VPS13B: variants seen among roughly 807,000 people sequenced by gnomAD.
VPS13B encodes the protein intermembrane lipid transfer protein VPS13B.
A neutral mutation model predicts 426.4 loss-of-function variants in VPS13B; 285 were observed. The observed-to-expected ratio is 0.67, with a 90% CI of 0.61 to 0.74. The LOEUF (loss-of-function observed/expected upper bound fraction) is 0.74. VPS13B is among the 30% of genes least tolerant of loss of function. The pLI, the probability that VPS13B is intolerant of heterozygous loss-of-function variation, is 0.00. For missense variants in VPS13B, 4,537 were observed against 4,782.6 expected, an observed-to-expected ratio of 0.95 and a Z score of 1.51; for synonymous variants, 1,676 against 1,676.4, an observed-to-expected ratio of 1.00 and a Z score of 0.01.
chr8:99,610,365 A>T (rs1827790294), intron 33 of VPS13B, among the ~76,000 whole-genome samples: 2 of 152,226 alleles, frequency 1.3e-5, no homozygotes, highest in Admixed American at 1.3e-4. Flanking sequence ...GATAGACCTG[A>T]TAAAGAAAAC....
intron 19 of VPS13B, among the ~76,000 whole-genome samples, chr8:99,364,370 C>T (rs963942221): frequency 2.0e-5 from 3 of 151,874 alleles, no homozygotes; most frequent in African/African-American, 7.3e-5. Context: ...ATTTGGTTTG[C>T]TATTATTTTG....
chr8:99,480,483 A>G (rs1819979261), intron 24 of VPS13B, among the ~76,000 whole-genome samples: 1 of 152,194 alleles, frequency 6.6e-6, no homozygotes, highest in Admixed American at 6.5e-5. Context: ...AGAAAAAGCA[A>G]AATAATCTTT....
intron 8 of VPS13B, among the ~76,000 whole-genome samples, chr8:99,130,238 A>T (rs1027806550): frequency 2.6e-5 from 4 of 152,174 alleles, no homozygotes; most frequent in African/African-American, 9.7e-5. Flanking sequence ...GTTTGGAATT[A>T]ATTTCTGGTT....
intron 33 of VPS13B, among the ~76,000 whole-genome samples, chr8:99,588,003 G>T (rs1351404054): frequency 6.6e-6 from 1 of 151,706 alleles, no homozygotes; most frequent in Admixed American, 6.5e-5. Context: ...TTTGTATAAG[G>T]TGTAAGGAAG....
chr8:99,774,542 A>G (rs916810636), intron 40 of VPS13B, among the ~76,000 whole-genome samples: 1 of 152,212 alleles, frequency 6.6e-6, no homozygotes, highest in Admixed American at 6.5e-5. Flanking sequence ...GGAAAATATC[A>G]GAGTGTCAAA....
chr8:99,345,861 T>C (rs937446772), intron 19 of VPS13B, among the ~76,000 whole-genome samples: 5 of 151,906 alleles, frequency 3.3e-5, no homozygotes, highest in African/African-American at 1.2e-4. Context: ...CAACCATGAG[T>C]TATTCTTCAG....
intron 33 of VPS13B, among the ~76,000 whole-genome samples, chr8:99,578,473 T>A (rs1476256474): frequency 1.3e-5 from 2 of 152,174 alleles, no homozygotes; most frequent in East Asian, 1.9e-4. Flanking sequence ...TCTTTATTTT[T>A]AAAAAAATTA....
At chr8:99,749,203 A>G (rs1286456864) in intron 39 of VPS13B, among the ~76,000 whole-genome samples, 2 of 152,072 alleles carry the variant, frequency 1.3e-5, no homozygotes, top group Non-Finnish European at 2.9e-5. Flanking sequence ...TGCAATAACC[A>G]TCACCTCAAG....
At chr8:99,529,181 A>G (rs946405233) in intron 30 of VPS13B, among the ~76,000 whole-genome samples, 6 of 152,118 alleles carry the variant, frequency 3.9e-5, no homozygotes, top group African/African-American at 1.4e-4. Flanking sequence ...CCTCCTTACC[A>G]GGGCTTATTC....
chr8:99,281,722 C>T (rs753640100), intron 19 of VPS13B, among the ~76,000 whole-genome samples: 8 of 152,182 alleles, frequency 5.3e-5, no homozygotes, highest in African/African-American at 1.4e-4. Flanking sequence ...ACTGTGGTAG[C>T]GTATGATCTT....
intron 12 of VPS13B, among the ~76,000 whole-genome samples, 179 bp from the exon 13 acceptor site, chr8:99,142,795 C>T (rs1810502156): frequency 6.6e-6 from 1 of 152,032 alleles, no homozygotes; most frequent in Admixed American, 6.6e-5. Context: ...TGCTTTTTAT[C>T]AGTAATTTAT....
intron 30 of VPS13B, among the ~76,000 whole-genome samples, chr8:99,523,899 G>C (rs548183767): frequency 6.6e-6 from 1 of 152,126 alleles, no homozygotes; most frequent in Non-Finnish European, 1.5e-5. Flanking sequence ...ACTAAATAAG[G>C]CACCAGGGAC....
intron 8 of VPS13B, among the ~76,000 whole-genome samples, chr8:99,124,564 A>G (rs1848099655): frequency 6.6e-6 from 1 of 152,284 alleles, no homozygotes; most frequent in East Asian, 1.9e-4. Context: ...TGGTATATAC[A>G]TACAGTGGAA....
chr8:99,190,998 G>A (rs985635846), intron 16 of VPS13B, among the ~76,000 whole-genome samples: 14 of 151,772 alleles, frequency 9.2e-5, no homozygotes, highest in African/African-American at 2.9e-4. Context: ...ATTCTTCCCA[G>A]CGTTTAGTCA....
chr8:99,045,280 T>C (rs561721887), intron 3 of VPS13B, among the ~76,000 whole-genome samples: 1 of 152,348 alleles, frequency 6.6e-6, no homozygotes, highest in African/African-American at 2.4e-5. Context: ...ATTGTAGTTT[T>C]GATTTGCGTT....
At chr8:99,195,045 C>T (rs1039482880) in intron 17 of VPS13B, among the ~76,000 whole-genome samples, 35 of 152,096 alleles carry the variant, frequency 2.3e-4, no homozygotes, top group African/African-American at 8.5e-4. Flanking sequence ...CGGAGTTTCA[C>T]CATGTTGACT....
chr8:99,259,886 G>GT (rs1817954838), intron 17 of VPS13B, among the ~76,000 whole-genome samples: 1 of 152,102 alleles, frequency 6.6e-6, no homozygotes, highest in South Asian at 2.1e-4. Flanking sequence ...TTCAGCAAGA[G>GT]TAAGAGTGAG....
chr8:99,129,724 C>A (rs944696782), intron 8 of VPS13B, among the ~76,000 whole-genome samples: 1 of 151,850 alleles, frequency 6.6e-6, no homozygotes, highest in African/African-American at 2.4e-5. Flanking sequence ...GTGATTTTTT[C>A]CTGTTTAGTT....
intron 17 of VPS13B, among the ~76,000 whole-genome samples, chr8:99,247,109 T>C (rs756144172): frequency 2.0e-5 from 3 of 152,192 alleles, no homozygotes; most frequent in Non-Finnish European, 2.9e-5. Flanking sequence ...ACTCTAGTTA[T>C]TGGCCTTTGG....
Sources: gnomAD v4.1 joint callset for allele counts (sites outside exome capture counted in the v4.1 genomes callset) on GRCh38, gnomAD v4.1.1 for gene constraint, MANE v1.5 for transcripts, NCBI Gene and HGNC (gene_info 2026-07-23, HGNC 2026-07-21) for gene names.